The following USP34 variants were observed in gnomAD, a reference collection of about 807,000 sequenced individuals.
USP34 encodes ubiquitin specific peptidase 34, also known as ubiquitin carboxyl-terminal hydrolase 34.
USP34 carries 70 observed loss-of-function variants against 460.3 expected under a neutral mutation model. The ratio of observed to expected loss-of-function variants is 0.15; its 90% CI spans 0.13 to 0.19. USP34 has a LOEUF of 0.19. Among genes scored for constraint, USP34 ranks in the 10% least tolerant of loss-of-function variants. USP34 has a pLI of 1.00. For missense variants in USP34, 3,985 were observed against 4,236.2 expected (o/e 0.94, Z 1.65); for synonymous variants, 1,647 against 1,405.3 (o/e 1.17, Z -3.85).
chr2:61,298,632 A>AAC (rs1434502405), intron 29 of USP34, among the ~76,000 whole-genome samples: 1 of 150,690 alleles, frequency 6.6e-6, no homozygotes, highest in Non-Finnish European at 1.5e-5. Flanking sequence ...AGACTAACGT[A>AAC]ACAGCCTATT....
rs147163870 is a variant in USP34 at position 61,198,652 on chromosome 2, C to T, written c.9508+4488G>A. On this transcript the variant is annotated intron_variant, in intron 75 of 79. Coordinates refer to ENST00000398571, the MANE Select transcript of USP34 (RefSeq NM_014709.4). ...TTGGGAGGCAGAGGCACACGGATCACGAGGTCAGGAGTTCGAGACCAGCCT... is the reference window on the plus strand; with the variant it reads ...TTGGGAGGCAGAGGCACACGGATCATGAGGTCAGGAGTTCGAGACCAGCCT... 2.1e-3 allele frequency among the ~76,000 whole-genome samples: 324 copies of T among 151,686 alleles called. 1 individual carries two copies. The highest frequency in any genetic ancestry group is 7.4e-3 in the African/African-American group (304 of 41,300).
rs548110282 is a variant in USP34 at position 61,435,799 on chromosome 2, C to T, written c.44-14966G>A. On this transcript the variant is annotated intron_variant, in intron 1 of 79. Transcript: ENST00000398571. ...ATCCCAGCACTTTGGGAGGCCACGA[C>T]GGGCAGATCACTTGAGGTCAGGAGT... 1.2e-4 allele frequency among the ~76,000 whole-genome samples: 18 copies of T among 152,076 alleles called. No individual in the cohort carries two copies. In the East Asian group the frequency reaches 1.7e-3, roughly 15 times the overall value.
At chr2:61,281,943 G>A (rs543352304) in intron 37 of USP34, among the ~76,000 whole-genome samples, 36 of 152,318 alleles carry the variant, frequency 2.4e-4, no homozygotes, top group African/African-American at 8.4e-4. Context: ...GGTTACCTGA[G>A]ACAGGACTAG....
chr2:61,334,356 C>T lies in USP34; in HGVS notation c.2745-385G>A, dbSNP rs540675581. On this transcript the variant is annotated intron_variant, in intron 18 of 79. Transcript: ENST00000398571. The stretch of plus-strand genomic sequence containing the variant: ...TTATGAACCACGTCACTAATGGAAG[C>T]ACACCACATACCTCAAAAGTATAAG... Among the ~76,000 whole-genome samples the T allele has an allele frequency of 1.8e-3, 269 of 152,106 alleles. 2 individuals carry two copies. Among genetic ancestry groups the T allele is most frequent in the African/African-American group, 6.2e-3 (257 of 41,526 alleles).
chr2:61,362,535 T>C (rs1374422530), intron 10 of USP34, among the ~76,000 whole-genome samples: 1 of 152,162 alleles, frequency 6.6e-6, no homozygotes, highest in Admixed American at 6.5e-5. Flanking sequence ...CTAGTAAAGA[T>C]TATGCTAGGT....
chr2:61,217,129 A>T (rs1301955519), intron 67 of USP34, among the ~76,000 whole-genome samples: 1 of 152,140 alleles, frequency 6.6e-6, no homozygotes, highest in East Asian at 1.9e-4. Context: ...CTTTTAAATA[A>T]AAAGGAAGTT....
chr2:61,339,383 A>G lies in USP34; in HGVS notation c.2712T>C (p.Ile904=), dbSNP rs1040544734. The G allele has an allele frequency of 2.5e-6, 4 of 1,609,336 alleles. No homozygotes were observed. The African/African-American group carries it at 4.0e-5, about 16-fold the overall frequency. Residue 904 remains isoleucine (I), a synonymous_variant, in exon 18 of 80, where the codon ATT becomes ATC. Transcript: ENST00000398571. ...TTCCCAAGTTTTCAAGGCAACCTTC[A>G]ATGAATCTCATTCGAATTTGTCTAT... ...FTDRQIRMRF[I]EGCLENLGNN...
At chr2:61,398,873 C>G (rs1693625111) in intron 3 of USP34, among the ~76,000 whole-genome samples, 1 of 152,206 alleles carries the variant, frequency 6.6e-6, no homozygotes, top group Non-Finnish European at 1.5e-5. Flanking sequence ...CCTAAATCCA[C>G]TCCTGGCTAT....
chr2:61,234,667 G>A (rs1040502639), intron 57 of USP34, among the ~76,000 whole-genome samples: 1 of 152,130 alleles, frequency 6.6e-6, no homozygotes, highest in Non-Finnish European at 1.5e-5. Flanking sequence ...TTGAGACAGA[G>A]TCTCACTCTG....
chr2:61,357,204 A>C (rs1692134078), intron 10 of USP34, among the ~76,000 whole-genome samples: 1 of 152,220 alleles, frequency 6.6e-6, no homozygotes, highest in Non-Finnish European at 1.5e-5. Context: ...ACAAGTCTCA[A>C]CAGATATTAA....
chr2:61,244,067 G>A (rs1335719809), intron 51 of USP34, among the ~76,000 whole-genome samples: 1 of 151,472 alleles, frequency 6.6e-6, no homozygotes, highest in African/African-American at 2.4e-5. Context: ...ATTAAAATCT[G>A]GAATGTGTAT....
intron 1 of USP34, among the ~76,000 whole-genome samples, chr2:61,450,494 T>G (rs1026735909): frequency 6.6e-6 from 1 of 152,130 alleles, no homozygotes; most frequent in African/African-American, 2.4e-5. Flanking sequence ...TAGTTCACTA[T>G]AGCTGTTAAA....
rs572961443 is a variant in USP34, at chr2:61,379,294, G to A, written c.1015-870C>T. On this transcript the variant is annotated intron_variant, in intron 7 of 79. Transcript: ENST00000398571. ...AACACTTTGGGAGGATGAGGCGGGT[G>A]GATCACCTGAGGTCAGGAATTCCAG... Among the ~76,000 whole-genome samples the A allele has an allele frequency of 7.9e-5, 12 of 152,298 alleles. No homozygotes were observed. The South Asian group carries it at 1.2e-3, about 16-fold the overall frequency.
chr2:61,414,421 A>G (rs78463617), intron 2 of USP34, among the ~76,000 whole-genome samples: 3 of 152,324 alleles, frequency 2.0e-5, no homozygotes, highest in South Asian at 2.1e-4. Context: ...AGATCTATCA[A>G]TAAGTATAAG....
intron 8 of USP34, among the ~76,000 whole-genome samples, chr2:61,375,857 TGATAC>T (rs1692782876): frequency 6.6e-6 from 1 of 151,246 alleles, no homozygotes; most frequent in Admixed American, 6.6e-5. Flanking sequence ...CTATACAATG[TGATAC>T]TATTAAGCAA....
chr2:61,256,374 A>G lies in USP34; in HGVS notation c.6221+10T>C. 1 of 1,605,652 alleles carries G rather than the reference A, an allele frequency of 6.2e-7. No homozygotes were observed. The highest frequency in any genetic ancestry group is 8.5e-7 in the Non-Finnish European group (1 of 1,173,620). On this transcript the variant is annotated intron_variant, in intron 48 of 79. Coordinates refer to ENST00000398571, the MANE Select transcript of USP34 (RefSeq NM_014709.4). ...TGAACATAATAAAAATCACATTTGAAAAAGCATACCTTTTTTCAGCTCGTA... is the reference window on the plus strand; with the variant it reads ...TGAACATAATAAAAATCACATTTGAGAAAGCATACCTTTTTTCAGCTCGTA...
chr2:61,337,490 T>C (rs938674431), intron 18 of USP34, among the ~76,000 whole-genome samples: 3 of 152,154 alleles, frequency 2.0e-5, no homozygotes, highest in African/African-American at 7.2e-5. Context: ...TCTCACTCTG[T>C]TGCTCAGGGC....
intron 1 of USP34, among the ~76,000 whole-genome samples, chr2:61,441,802 C>CAAAAAAAAAAAAAAAAAAAA (rs70963429): frequency 1.0e-5 from 1 of 97,334 alleles, no homozygotes; most frequent in Non-Finnish European, 2.1e-5. Context: ...GACTGCATTA[C>CAAAAAAAAAAAAAAAAAAAA]AAAAAAAAAA....
intron 10 of USP34, among the ~76,000 whole-genome samples, chr2:61,367,333 C>T (rs1411098522): frequency 6.6e-6 from 1 of 152,182 alleles, no homozygotes; most frequent in Non-Finnish European, 1.5e-5. Context: ...CGCGCGCACA[C>T]ACACAAATGC....
Sources: gnomAD v4.1 joint callset for allele counts (sites outside exome capture counted in the v4.1 genomes callset) on GRCh38, gnomAD v4.1.1 for gene constraint, MANE v1.5 for transcripts, NCBI Gene and HGNC (gene_info 2026-07-23, HGNC 2026-07-21) for gene names.